The following DNMBP variants were observed in gnomAD, a reference collection of about 807,000 sequenced individuals.
The protein encoded by DNMBP is dynamin-binding protein.
Under a neutral mutation model 150.0 loss-of-function variants are expected in DNMBP, and 87 were observed. That is an observed-to-expected ratio of 0.58 (90% CI 0.49 to 0.69). The LOEUF is 0.69. DNMBP is among the 30% of genes least tolerant of loss of function. DNMBP has a pLI of 0.00. For missense variants in DNMBP, 1,774 were observed against 1,949.0 expected (o/e 0.91, Z 1.69); for synonymous variants, 711 against 750.4 (o/e 0.95, Z 0.86).
intron 1 of DNMBP, among the ~76,000 whole-genome samples, chr10:100,002,351 T>TGG (rs1195274375): frequency 6.6e-6 from 1 of 152,170 alleles, no homozygotes; most frequent in African/African-American, 2.4e-5. Context: ...AGAGAAGAGC[T>TGG]GGCCATGAGA....
chr10:99,990,856 T>C (rs79712184), intron 1 of DNMBP, among the ~76,000 whole-genome samples: 13,269 of 146,390 alleles, frequency 0.091, 786 homozygotes, highest in African/African-American at 0.17. Context: ...CACACACATA[T>C]ATATATATAT....
chr10:99,915,586 G>A (rs577491212), intron 4 of DNMBP, among the ~76,000 whole-genome samples: 40 of 152,096 alleles, frequency 2.6e-4, no homozygotes, highest in Admixed American at 1.2e-3. Context: ...GTGGTAGCAC[G>A]TGCCTGTAGT....
At chr10:100,002,454 T>G (rs2041025165) in intron 1 of DNMBP, among the ~76,000 whole-genome samples, 1 of 152,194 alleles carries the variant, frequency 6.6e-6, no homozygotes, top group African/African-American at 2.4e-5. Context: ...AGATATAATT[T>G]AGTAAGATTT....
Position 99,969,312 on chromosome 10 carries a change from T to C in DNMBP, c.146-75A>G, listed in dbSNP as rs182028480. ...CCGTCTGTGTACAAGGACAAAAACT[T>C]TTCTTCTGAGTCCATGTATAGACCG... On this transcript the variant is annotated intron_variant, in intron 2 of 16. Coordinates refer to ENST00000324109, the MANE Select transcript of DNMBP (RefSeq NM_015221.4). 2.7e-5 allele frequency: 41 copies of C among 1,532,314 alleles called. 2 individuals are homozygous for C. The East Asian group carries it at 9.1e-4, about 34-fold the overall frequency. The allele number at this position is 1,532,314 out of a possible 1,614,324, so 94.9% of individuals were successfully genotyped here. A position where few individuals can be genotyped will look rare whatever the true frequency, so the allele number is the denominator to read the frequency against.
At chr10:99,972,872 C>T (rs1589445402) in intron 1 of DNMBP, among the ~76,000 whole-genome samples, 2 of 152,310 alleles carry the variant, frequency 1.3e-5, no homozygotes, top group African/African-American at 4.8e-5. Flanking sequence ...CCTCCTGGCT[C>T]AGCCTCCCAA....
chr10:100,004,698 T>G (rs1011807411), intron 1 of DNMBP, among the ~76,000 whole-genome samples: 4 of 152,136 alleles, frequency 2.6e-5, no homozygotes, highest in Non-Finnish European at 4.4e-5. Flanking sequence ...AAGAGTTCCT[T>G]AAACAAAACT....
intron 3 of DNMBP, among the ~76,000 whole-genome samples, chr10:99,959,150 T>C (rs2040532848): frequency 6.6e-6 from 1 of 152,210 alleles, no homozygotes; most frequent in African/African-American, 2.4e-5. Flanking sequence ...TCATTCCTCA[T>C]TAATTTTTTT....
At chr10:99,891,476 T>C (rs2133211704) in intron 11 of DNMBP, among the ~76,000 whole-genome samples, 1 of 152,096 alleles carries the variant, frequency 6.6e-6, no homozygotes, top group East Asian at 1.9e-4. Flanking sequence ...CACTCAGTGC[T>C]CAATGGTGCC....
intron 4 of DNMBP, among the ~76,000 whole-genome samples, chr10:99,946,681 T>C (rs1038317479): frequency 1.3e-5 from 2 of 152,200 alleles, no homozygotes; most frequent in African/African-American, 4.8e-5. Context: ...GTTAACACTC[T>C]TCTAGACATT....
chr10:100,006,965 T>C (rs2041079079), intron 1 of DNMBP, among the ~76,000 whole-genome samples: 2 of 151,938 alleles, frequency 1.3e-5, no homozygotes, highest in South Asian at 4.2e-4. Flanking sequence ...AATACAAACA[T>C]TGGCCCAGCG....
chr10:99,950,013 G>A (rs2040400469), intron 4 of DNMBP, among the ~76,000 whole-genome samples: 1 of 152,148 alleles, frequency 6.6e-6, no homozygotes. Context: ...TATTTGACAT[G>A]GTTTGGCTGT....
At position 99,894,979 on chromosome 10, in the gene DNMBP, G is replaced by A. The variant is rs762656805; in HGVS notation, c.3123C>T (p.Ile1041=). Residue 1041 remains isoleucine, a synonymous_variant, in exon 11 of 17, where the codon ATC becomes ATT. Transcript: ENST00000324109. ...GCTGGAGGTAGAGAGACAGGTCTCGGATAAAAGACTTAATCAATCTTTCTT... is the reference window on the plus strand; with the variant it reads ...GCTGGAGGTAGAGAGACAGGTCTCGAATAAAAGACTTAATCAATCTTTCTT... The part of the protein sequence containing the change: ...RMQERLIKSF[I]RDLSLYLQHI... The A allele has an allele frequency of 6.2e-7, 1 of 1,614,024 alleles. No individual in the cohort carries two copies. The highest frequency in any genetic ancestry group is 8.5e-7 in the Non-Finnish European group (1 of 1,179,916).
chr10:99,971,943 G>A, intron 2 of DNMBP, 37 bp downstream of exon 2: 1 of 1,589,624 alleles, frequency 6.3e-7, no homozygotes. Flanking sequence ...ATGGAAAGAA[G>A]TCAGGGCCTG....
In DNMBP at chr10:99,932,137, C is replaced by G. The variant is rs111944879; in HGVS notation, c.2261-22991G>C. ...AGAGACAGGCCTTAATAAGATTACT[C>G]TTTTAGCTGTCTGGTCATTTCTTAG... is the stretch of plus-strand genomic sequence containing the variant. On this transcript the variant is annotated intron_variant, in intron 4 of 16. Coordinates refer to ENST00000324109, the MANE Select transcript of DNMBP (RefSeq NM_015221.4). Among the ~76,000 whole-genome samples, 119 of 152,318 alleles carry G rather than the reference C, an allele frequency of 7.8e-4. 1 individual carries two copies. Among genetic ancestry groups the G allele is most frequent in the African/African-American group, 2.7e-3 (112 of 41,578 alleles).
At chr10:99,977,241 A>G (rs2040737708) in intron 1 of DNMBP, among the ~76,000 whole-genome samples, 1 of 152,230 alleles carries the variant, frequency 6.6e-6, no homozygotes, top group Non-Finnish European at 1.5e-5. Flanking sequence ...TGTGAGACCC[A>G]AAAGTATGTA....
At chr10:99,906,722 T>C (rs2039830871) in intron 6 of DNMBP, among the ~76,000 whole-genome samples, 1 of 152,078 alleles carries the variant, frequency 6.6e-6, no homozygotes, top group Non-Finnish European at 1.5e-5. Flanking sequence ...TGGAAGTAGA[T>C]CCCTGAGCCC....
At chr10:99,981,864 G>A (rs2040782727) in intron 1 of DNMBP, among the ~76,000 whole-genome samples, 1 of 152,170 alleles carries the variant, frequency 6.6e-6, no homozygotes, top group Non-Finnish European at 1.5e-5. Flanking sequence ...TGAGTTGGCT[G>A]CGTTGCTCTA....
chr10:99,986,593 T>TAA (rs2040829559), intron 1 of DNMBP, among the ~76,000 whole-genome samples: 1 of 20,822 alleles, frequency 4.8e-5, no homozygotes, highest in African/African-American at 2.3e-4. Context: ...AGACTCCGTC[T>TAA]CAAAAAAAAA....
chr10:99,933,944 G>C (rs993564863), intron 4 of DNMBP, among the ~76,000 whole-genome samples: 2 of 152,148 alleles, frequency 1.3e-5, no homozygotes, highest in African/African-American at 4.8e-5. Context: ...CACCGTGTTA[G>C]CCAGGATGGT....
Sources: allele counts gnomAD v4.1 joint callset (sites outside exome capture counted in the v4.1 genomes callset), GRCh38; gene constraint gnomAD v4.1.1; transcripts MANE v1.5; gene names NCBI Gene and HGNC (gene_info 2026-07-23, HGNC 2026-07-21).